The following GMIP variants were observed in gnomAD, a reference collection of about 807,000 sequenced individuals.
GMIP encodes the protein GEM interacting protein, also known as GEM-interacting protein.
In GMIP, 54 loss-of-function variants were observed where a neutral mutation model predicts 105.3. The observed-to-expected ratio is 0.51, with a 90% CI of 0.41 to 0.64. The LOEUF is 0.64. Ranked by LOEUF, GMIP falls within the 30% of genes least tolerant of loss-of-function variation. The probability of loss-of-function intolerance (pLI) is 0.00; values close to 1 mark genes in which losing one functional copy is unlikely to be tolerated. For missense variants in GMIP, 1,110 were observed against 1,319.4 expected (o/e 0.84, Z 2.46); for synonymous variants, 541 against 560.8 (o/e 0.96, Z 0.50).
At position 19,635,246 on chromosome 19, in the gene GMIP, T is replaced by C. The variant is rs1372705248; in HGVS notation, c.1561-33A>G. On this transcript the variant is annotated intron_variant, in intron 15 of 20. Coordinates refer to ENST00000203556, the MANE Select transcript of GMIP (RefSeq NM_016573.4). The surrounding 1 kb of genome is among the most constrained non-coding windows in gnomAD (Gnocchi z 4.7). ...GAAGGTCACAGGGACAGGGAGGTCATTAGGGACCAGTAGGGGAAGAGAAGG... is the reference window on the plus strand; with the variant it reads ...GAAGGTCACAGGGACAGGGAGGTCACTAGGGACCAGTAGGGGAAGAGAAGG... 4 of 1,588,424 alleles carry C rather than the reference T, an allele frequency of 2.5e-6. No individual in the cohort carries two copies. In the Admixed American group the frequency reaches 7.0e-5, roughly 28 times the overall value.
chr19:19,635,432 C>G lies in GMIP; in HGVS notation c.1543G>C (p.Gly515Arg). 6.2e-7 allele frequency: 1 copy of G among 1,609,502 alleles called. No homozygotes were observed. The highest frequency in any genetic ancestry group is 8.5e-7 in the Non-Finnish European group (1 of 1,179,862). Residue 515 changes from glycine (G) to arginine (R), a missense_variant, in exon 15 of 21, where the codon GGG becomes CGG. By Grantham distance (125) the Gly-to-Arg change is moderately radical (BLOSUM62 -2). Around this residue, in one of 3 missense-constraint regions of GMIP, gnomAD observed 667 missense variants for 773.2 expected, o/e 0.86. Transcript: ENST00000203556. This position sits in a 1 kb window ranked among gnomAD's most constrained non-coding sequence, Gnocchi z 4.7. ...CRECEAFMVSGTECEECFLTC... is the reference protein window; with the variant it reads ...CRECEAFMVSRTECEECFLTC... Reference sequence around the variant, plus strand: ...GGCCACACCTCCTCACACTCCGTCCCGCTGACCATGAAGGCTTCGCACTCG... The same window carrying G: ...GGCCACACCTCCTCACACTCCGTCCGGCTGACCATGAAGGCTTCGCACTCG...
chr19:19,642,495 A>G, intron 2 of GMIP, 40 bp downstream of exon 2: 2 of 1,302,598 alleles, frequency 1.5e-6, no homozygotes, highest in Non-Finnish European at 2.2e-6. Context: ...GGCTTGGGGC[A>G]TCTTGGCAGG....
At position 19,630,908 on chromosome 19, in the gene GMIP, G is replaced by C. The variant is rs1035945574; in HGVS notation, c.2473-371C>G. ...TTGGGGATAGACGATGCCCTTATAA[G>C]TGTACTGCTTGGCCAGGCATGGTGG... is the stretch of plus-strand genomic sequence containing the variant. On this transcript the variant is annotated intron_variant, in intron 19 of 20. Transcript: ENST00000203556. The surrounding 1 kb of genome is among the most constrained non-coding windows in gnomAD (Gnocchi z 4.8). 5.3e-5 allele frequency among the ~76,000 whole-genome samples: 8 copies of C among 152,110 alleles called. No homozygotes were observed. The highest frequency in any genetic ancestry group is 1.0e-4 in the Non-Finnish European group (7 of 68,012).
At position 19,643,640 on chromosome 19, in the gene GMIP, C is replaced by T. The variant is rs1039997011; in HGVS notation, c.-111G>A. ...GCAGCCGCCGCCGCCGCCTCGGTTC[C>T]GCGTCGCCCTGCCCAGCGGAGGCCA... On this transcript the variant is annotated 5_prime_UTR_variant, in exon 1 of 21. Transcript: ENST00000203556. The T allele has an allele frequency of 1.1e-4, 107 of 946,226 alleles. No homozygotes were observed. The Admixed American group carries it at 1.4e-3, about 12-fold the overall frequency. The allele number at this position is 946,226 out of a possible 1,614,324, so 58.6% of individuals were successfully genotyped here. A position where few individuals can be genotyped will look rare whatever the true frequency, so the allele number is the denominator to read the frequency against.
In GMIP at chr19:19,629,720, G is replaced by A. The variant is rs765323444; in HGVS notation, c.*243C>T. 1.8e-6 allele frequency: 1 copy of A among 544,940 alleles called. No homozygotes were observed. Among genetic ancestry groups the A allele is most frequent in the African/African-American group, 1.9e-5 (1 of 52,024 alleles). The allele number at this position is 544,940 out of a possible 1,614,324, so 33.8% of individuals were successfully genotyped here. On this transcript the variant is annotated 3_prime_UTR_variant, in exon 21 of 21. Transcript: ENST00000203556. Reference sequence around the variant, plus strand: ...TTGACCCTGAGTGACCTCTGAGCCCGAGTGGCCCTGATGCTTGGCAGTGAC... The same window carrying A: ...TTGACCCTGAGTGACCTCTGAGCCCAAGTGGCCCTGATGCTTGGCAGTGAC...
Position 19,638,273 on chromosome 19 carries a change from C to A in GMIP, c.675G>T (p.Glu225Asp). 6.2e-7 allele frequency: 1 copy of A among 1,608,460 alleles called. No individual in the cohort carries two copies. The highest frequency in any genetic ancestry group is 8.5e-7 in the Non-Finnish European group (1 of 1,179,750). Residue 225 changes from glutamate (E) to aspartate (D), a missense_variant, in exon 9 of 21, where the codon GAG becomes GAT. Transcript: ENST00000203556. ...ACCCCTGGGAGCGTGCCCGCAGGTC[C>A]TCGCTGCGTTGCACATACTGCAGCT... ...RAQLQYVQRS[E>D]DLRARSQGSP... is the part of the protein sequence containing the mutation.
chr19:19,632,833 G>A (rs1268393029), intron 19 of GMIP, among the ~76,000 whole-genome samples: 5 of 152,114 alleles, frequency 3.3e-5, no homozygotes, highest in African/African-American at 7.2e-5. Context: ...ATGGGGCTGC[G>A]TCCTAACACA....
Position 19,636,776 on chromosome 19 carries a change from C to G in GMIP, c.1258G>C (p.Gly420Arg). The stretch of plus-strand genomic sequence containing the variant: ...CCACCCACGCTGTCCACATCGCTGC[C>G]CGGAGTGGGGCCTGGAGTCCCTAGG... ...RWQGTPGPTP[G>R]SDVDSVGGGS... The change falls in exon 13 of 21, where the codon GGC becomes CGC. Residue 420 changes from glycine to arginine, a missense_variant. Coordinates refer to ENST00000203556, the MANE Select transcript of GMIP (RefSeq NM_016573.4). 1 of 1,612,744 alleles carries G rather than the reference C, an allele frequency of 6.2e-7. No homozygotes were observed. Among genetic ancestry groups the G allele is most frequent in the South Asian group, 1.1e-5 (1 of 90,920 alleles).
At position 19,640,098 on chromosome 19, in the gene GMIP, C is replaced by T; in HGVS notation, c.524G>A (p.Arg175Lys). The T allele has an allele frequency of 6.2e-7, 1 of 1,607,906 alleles. No individual in the cohort carries two copies. Among genetic ancestry groups the T allele is most frequent in the Middle Eastern group, 1.7e-4 (1 of 6,040 alleles). ...TGCCCCCCTCACCTGGTAGTAGTCT[C>T]TTTTCTGCTGGGCCACTGTCTCCAT... ...LAMETVAQQKRDYYQPLAAKR... is the reference protein window; with the variant it reads ...LAMETVAQQKKDYYQPLAAKR... The change falls in exon 7 of 21, where the codon AGA becomes AAA. Residue 175 changes from arginine to lysine, a missense_variant. Transcript: ENST00000203556.
At chr19:19,643,429 C>T in intron 1 of GMIP, 82 bp downstream of exon 1, 2 of 1,284,702 alleles carry the variant, frequency 1.6e-6, no homozygotes, top group South Asian at 1.3e-5. Context: ...GCTCTCAGGA[C>T]GGAGCGGGAC....
At position 19,636,940 on chromosome 19, in the gene GMIP, G is replaced by T; in HGVS notation, c.1214C>A (p.Pro405Gln). The change falls in exon 12 of 21, where the codon CCG becomes CAG. Residue 405 changes from proline (P) to glutamine (Q), a missense_variant. Pro to Gln is a moderately conservative substitution (Grantham distance 76, BLOSUM62 -1). This residue lies in a region of GMIP where 667 missense variants were observed against 773.2 expected (regional missense o/e 0.86). Coordinates refer to ENST00000203556, the MANE Select transcript of GMIP (RefSeq NM_016573.4). ...ACCTTGCCAGCGCCAGCCTGTGCCC[G>T]GATCCTCCCAAGGGCCTGGCTCAGC... Reference protein sequence around the residue: ...NSAEPGPWEDPGTGWRWQGTP... With the variant: ...NSAEPGPWEDQGTGWRWQGTP... 6.3e-7 allele frequency: 1 copy of T among 1,581,802 alleles called. No homozygotes were observed. Among genetic ancestry groups the T allele is most frequent in the Non-Finnish European group, 8.6e-7 (1 of 1,163,108 alleles).
At chr19:19,642,471 C>T in intron 2 of GMIP, 64 bp downstream of exon 2, 1 of 993,272 alleles carries the variant, frequency 1.0e-6, no homozygotes, top group Non-Finnish European at 1.6e-6. Flanking sequence ...CTGCAAGGCA[C>T]CTAAATGGTT....
intron 13 of GMIP, among the ~76,000 whole-genome samples, chr19:19,636,455 G>A (rs1374571247): frequency 2.0e-5 from 3 of 152,118 alleles, no homozygotes; most frequent in African/African-American, 7.2e-5. Context: ...TCTGGGAGGT[G>A]GAGGTTGCAG....
chr19:19,636,773 T>C lies in GMIP; in HGVS notation c.1261A>G (p.Ser421Gly). 1 of 1,612,978 alleles carries C rather than the reference T, an allele frequency of 6.2e-7. No individual in the cohort carries two copies. The highest frequency in any genetic ancestry group is 8.5e-7 in the Non-Finnish European group (1 of 1,179,490). The change falls in exon 13 of 21, where the codon AGC becomes GGC. Residue 421 changes from serine (S) to glycine (G), a missense_variant. Coordinates refer to ENST00000203556, the MANE Select transcript of GMIP (RefSeq NM_016573.4). ...CCGCCACCCACGCTGTCCACATCGC[T>C]GCCCGGAGTGGGGCCTGGAGTCCCT... ...WQGTPGPTPG[S>G]DVDSVGGGSE... is the part of the protein sequence containing the mutation.
At position 19,635,511 on chromosome 19, in the gene GMIP, G is replaced by C. The variant is rs759814406; in HGVS notation, c.1464C>G (p.Ser488=). ...LGSPFGKWTL[S]SAAQTHQLRR... is the part of the protein sequence containing the mutation. Reference sequence around the variant, plus strand: ...GCAGCTGGTGGGTCTGAGCCGCGCTGGACAGTGTCCACTTCCCGAAGGGGC... The same window carrying C: ...GCAGCTGGTGGGTCTGAGCCGCGCTCGACAGTGTCCACTTCCCGAAGGGGC... The change falls in exon 15 of 21, where the codon TCC becomes TCG. Residue 488 remains serine, a synonymous_variant. Coordinates refer to ENST00000203556, the MANE Select transcript of GMIP (RefSeq NM_016573.4). This position sits in a 1 kb window ranked among gnomAD's most constrained non-coding sequence, Gnocchi z 4.7. 38 of 1,612,866 alleles carry C rather than the reference G, an allele frequency of 2.4e-5. 1 individual carries two copies. The highest frequency in any genetic ancestry group is 8.8e-5 in the South Asian group (8 of 91,070).
chr19:19,633,927 C>T lies in GMIP; in HGVS notation c.2348G>A (p.Ser783Asn). Residue 783 changes from serine (S) to asparagine (N), a missense_variant, in exon 19 of 21, where the codon AGC (serine) becomes AAC (asparagine). Physicochemically the swap from Ser to Asn is conservative, Grantham distance 46 (BLOSUM62 1). This residue lies in a region of GMIP where 394 missense variants were observed against 450.5 expected (regional missense o/e 0.87). Coordinates refer to ENST00000203556, the MANE Select transcript of GMIP (RefSeq NM_016573.4). ...AAGGTGCGGGGGTGGCGGTTGGGAG[C>T]TGGTTGTGAGGGGCCCAGGGGCTGG... ...SSPAPGPLTT[S>N]SQPPPPHLDP... 1 of 1,374,740 alleles carries T rather than the reference C, an allele frequency of 7.3e-7. No homozygotes were observed. The highest frequency in any genetic ancestry group is 9.6e-7 in the Non-Finnish European group (1 of 1,039,212). 85.2% of individuals were successfully genotyped at this position (1,374,740 alleles called of 1,614,324 possible).
At chr19:19,638,525 C>A in intron 7 of GMIP, 43 bp from the exon 8 acceptor site, 2 of 1,543,396 alleles carry the variant, frequency 1.3e-6, no homozygotes, top group South Asian at 1.1e-5. Context: ...TGCCTTAGGG[C>A]CAACCCAGAA....
At position 19,629,785 on chromosome 19, in the gene GMIP, A is replaced by G; in HGVS notation, c.*178T>C. ...GGGACTCTGGGACATTATCCCCAAAAGGGTTTTAGGCCTCCCCTAGGTCAT... is the reference window on the plus strand; with the variant it reads ...GGGACTCTGGGACATTATCCCCAAAGGGGTTTTAGGCCTCCCCTAGGTCAT... On this transcript the variant is annotated 3_prime_UTR_variant, in exon 21 of 21. Transcript: ENST00000203556. The G allele has an allele frequency of 3.2e-6, 2 of 628,594 alleles. No homozygotes were observed. The highest frequency in any genetic ancestry group is 5.4e-6 in the Non-Finnish European group (2 of 368,344). The allele number at this position is 628,594 out of a possible 1,614,324, so 38.9% of individuals were successfully genotyped here. A position where few individuals can be genotyped will look rare whatever the true frequency, so the allele number is the denominator to read the frequency against.
Position 19,634,295 on chromosome 19 carries a change from C to A in GMIP, c.2085-105G>T. 7.9e-7 allele frequency: 1 copy of A among 1,268,076 alleles called. No homozygotes were observed. Among genetic ancestry groups the A allele is most frequent in the Admixed American group, 2.6e-5 (1 of 38,152 alleles). 78.6% of individuals were successfully genotyped at this position (1,268,076 alleles called of 1,614,324 possible). A position where few individuals can be genotyped will look rare whatever the true frequency, so the allele number is the denominator to read the frequency against. Reference sequence around the variant, plus strand: ...CAGCCTAGAGGTGACTTGCCCATGTCACAGGTGTAAGTCGTCTGAGACCAG... The same window carrying A: ...CAGCCTAGAGGTGACTTGCCCATGTAACAGGTGTAAGTCGTCTGAGACCAG... On this transcript the variant is annotated intron_variant, in intron 18 of 20. Transcript: ENST00000203556. The surrounding 1 kb of genome is among the most constrained non-coding windows in gnomAD (Gnocchi z 6.1).
Sources: allele counts gnomAD v4.1 joint callset (sites outside exome capture counted in the v4.1 genomes callset), GRCh38; gene constraint gnomAD v4.1.1; regional missense constraint gnomAD v4.1.1; non-coding constraint Gnocchi (gnomAD v3.1); transcripts MANE v1.5; gene names NCBI Gene and HGNC (gene_info 2026-07-23, HGNC 2026-07-21).